Variants in PARVB observed in about 807,000 individuals in gnomAD.
The protein encoded by PARVB is beta-parvin.
In PARVB, 46 loss-of-function variants were observed where a neutral mutation model predicts 47.0. The ratio of observed to expected loss-of-function variants is 0.98; its 90% confidence interval spans 0.77 to 1.25. The LOEUF (loss-of-function observed/expected upper bound fraction) is 1.25, where lower values mean the gene tolerates loss of function less well. Ranked by LOEUF, PARVB falls within the 50% of genes most tolerant of loss-of-function variation. The pLI is 0.00. For missense variants in PARVB, 473 were observed against 471.6 expected (o/e 1.00, Z -0.03); for synonymous variants, 196 against 196.3 (o/e 1.00, Z 0.01).
intron 1 of PARVB, among the ~76,000 whole-genome samples, chr22:44,051,030 AAG>A (rs1051471352): frequency 1.3e-5 from 2 of 152,102 alleles, no homozygotes; most frequent in African/African-American, 4.8e-5. Flanking sequence ...CTCATCTCCT[AAG>A]AGAGTCTCGG....
At chr22:44,124,022 G>A (rs2053132090) in intron 4 of PARVB, among the ~76,000 whole-genome samples, 1 of 152,202 alleles carries the variant, frequency 6.6e-6, no homozygotes, top group South Asian at 2.1e-4. Flanking sequence ...CTCGCTGCTG[G>A]GTACCCCATC....
Position 44,009,267 on chromosome 22 carries a change from T to C in PARVB, c.211+9594T>C, listed in dbSNP as rs183198218. ...AGTAGGTATGCTATGTGGATGAGCA[T>C]GGGACAGATTTTAACATACAAGTTG... On this transcript the variant is annotated intron_variant, in intron 2 of 13. Coordinates refer to the PARVB transcript ENST00000406477. Among the ~76,000 whole-genome samples the C allele has an allele frequency of 1.7e-3, 255 of 152,356 alleles. 1 individual carries two copies. The highest frequency in any genetic ancestry group is 5.8e-3 in the African/African-American group (240 of 41,580).
intron 1 of PARVB, among the ~76,000 whole-genome samples, chr22:44,064,340 G>A (rs1042009341): frequency 4.6e-5 from 7 of 152,226 alleles, no homozygotes; most frequent in Non-Finnish European, 5.9e-5. Context: ...CCGTGCCCAG[G>A]TGGAGGCAAT....
chr22:44,009,362 G>C (rs1274268146), intron 2 of PARVB: 2 of 152,162 alleles, frequency 1.3e-5, no homozygotes, highest in Non-Finnish European at 2.9e-5. Context: ...GATAATGCCT[G>C]TCTGAGTATT....
intron 3 of PARVB, chr22:44,104,462 G>A (rs1166689886): frequency 2.0e-5 from 3 of 152,742 alleles, no homozygotes; most frequent in East Asian, 3.9e-4. Context: ...AGAGCAGCGT[G>A]TGGGTGGCAG....
rs748520324 is a variant in PARVB, at chr22:44,132,880, C to T, written c.518-14C>T. 5.0e-6 allele frequency: 8 copies of T among 1,591,030 alleles called. No homozygotes were observed. The South Asian group carries it at 7.7e-5, about 15-fold the overall frequency. ...CCTGATCTAAAGCGTCTCCCTTCCT[C>T]CTTCCTCCTGCAGCAATTCACGGGA... On this transcript the variant is annotated splice_polypyrimidine_tract_variant and intron_variant, in intron 5 of 12. Coordinates refer to ENST00000338758, the MANE Select transcript of PARVB (RefSeq NM_013327.5).
At chr22:44,149,556 C>G (rs532277295) in intron 9 of PARVB, 1 of 152,336 alleles carries the variant, frequency 6.6e-6, no homozygotes, top group Non-Finnish European at 1.5e-5. Context: ...GGTGCCCACT[C>G]GGCTCACTCT....
upstream of PARVB, among the ~76,000 whole-genome samples, chr22:44,023,527 T>TA (rs1555892749): frequency 2.1e-5 from 2 of 93,254 alleles, no homozygotes; most frequent in Non-Finnish European, 4.1e-5. Context: ...TAAAATAAAA[T>TA]AAAACAAAAC....
chr22:44,064,439 G>A (rs968881850), intron 1 of PARVB, among the ~76,000 whole-genome samples: 1 of 152,230 alleles, frequency 6.6e-6, no homozygotes, highest in African/African-American at 2.4e-5. Context: ...AGAGGCTGGG[G>A]TCAGTGTTCA....
intron 2 of PARVB, among the ~76,000 whole-genome samples, chr22:44,016,633 G>A (rs941294381): frequency 2.3e-4 from 35 of 152,144 alleles, no homozygotes; most frequent in Admixed American, 1.8e-3. Flanking sequence ...AATTTTGTGC[G>A]TGAAACAAAG....
chr22:44,134,849 A>AC (rs1335979000), intron 6 of PARVB, among the ~76,000 whole-genome samples: 1 of 152,094 alleles, frequency 6.6e-6, no homozygotes, highest in Non-Finnish European at 1.5e-5. Context: ...TCCCCATAAA[A>AC]CCAAGATTTT....
chr22:44,119,821 C>A (rs374073493), intron 4 of PARVB: 1 of 532,674 alleles, frequency 1.9e-6, no homozygotes, highest in Non-Finnish European at 3.8e-6. Flanking sequence ...TGAGGGCCTT[C>A]GGAGATGCCG....
Position 44,089,068 on chromosome 22 carries a change from C to T in PARVB, c.113-4860C>T, listed in dbSNP as rs1406553434. Among the ~76,000 whole-genome samples, 8 of 152,172 alleles carry T rather than the reference C, an allele frequency of 5.3e-5. No individual in the cohort carries two copies. The highest frequency in any genetic ancestry group is 5.9e-5 in the Non-Finnish European group (4 of 68,038). On this transcript the variant is annotated intron_variant, in intron 1 of 12. Coordinates refer to ENST00000338758, the MANE Select transcript of PARVB (RefSeq NM_013327.5). This position sits in a 1 kb window ranked among gnomAD's most constrained non-coding sequence, Gnocchi z 4.0. ...GCCTGCACTTCCCACTCTGCCATCC[C>T]GGGCTGAGCGAGGAGTGCCCGTCTC...
chr22:44,167,602 G>A (rs753543851), intron 12 of PARVB, among the ~76,000 whole-genome samples: 7 of 152,180 alleles, frequency 4.6e-5, no homozygotes, highest in African/African-American at 9.6e-5. Flanking sequence ...CTCCATGGCC[G>A]CCATTCTCCC....
intron 6 of PARVB, among the ~76,000 whole-genome samples, chr22:44,135,933 G>A (rs2053431798): frequency 6.6e-6 from 1 of 152,200 alleles, no homozygotes; most frequent in Non-Finnish European, 1.5e-5. Context: ...ATTGGATTAA[G>A]GAGGGGCTCA....
intron 3 of PARVB, among the ~76,000 whole-genome samples, chr22:44,116,431 G>A (rs1416514512): frequency 1.3e-5 from 2 of 152,214 alleles, no homozygotes; most frequent in Non-Finnish European, 2.9e-5. Context: ...CTGAAACTGT[G>A]GGCGTCCGTG....
intron 2 of PARVB, among the ~76,000 whole-genome samples, chr22:44,002,286 C>T (rs535450634): frequency 6.5e-4 from 99 of 152,368 alleles, no homozygotes; most frequent in African/African-American, 2.2e-3. Context: ...CTAATTTTTT[C>T]AGCTTTCGGG....
At chr22:44,056,602 CT>C (rs2051316704) in intron 1 of PARVB, among the ~76,000 whole-genome samples, 1 of 152,076 alleles carries the variant, frequency 6.6e-6, no homozygotes, top group South Asian at 2.1e-4. Flanking sequence ...ACCCTGTGGG[CT>C]TAAGCAATCC....
At chr22:44,021,806 CACACACACACAG>C (rs1314351946), upstream of PARVB, among the ~76,000 whole-genome samples, 82 of 141,196 alleles carry the variant, frequency 5.8e-4, no homozygotes, top group Middle Eastern at 7.5e-3. Context: ...CACACACACA[CACACACACACAG>C]GGCCTAGTAG....
Sources: gnomAD v4.1 joint callset for allele counts (sites outside exome capture counted in the v4.1 genomes callset) on GRCh38, gnomAD v4.1.1 for gene constraint, Gnocchi (gnomAD v3.1) non-coding constraint, MANE v1.5 for transcripts, NCBI Gene and HGNC (gene_info 2026-07-23, HGNC 2026-07-21) for gene names.